Variants in ZCCHC2 observed in about 807,000 individuals in gnomAD.
The protein encoded by ZCCHC2 is zinc finger CCHC domain-containing protein 2.
A neutral mutation model predicts 103.6 loss-of-function variants in ZCCHC2; 39 were observed. The ratio of observed to expected loss-of-function variants is 0.38; its 90% CI spans 0.29 to 0.49. ZCCHC2 has a LOEUF of 0.49. ZCCHC2 is among the 20% of genes least tolerant of loss of function. ZCCHC2 has a pLI of 0.96. For synonymous variants in ZCCHC2, 687 were observed against 608.9 expected (o/e 1.13, Z -1.89); for missense variants, 1,483 against 1,491.0 (o/e 0.99, Z 0.09).
chr18:62,553,574 T>C (rs1022078860), intron 5 of ZCCHC2, among the ~76,000 whole-genome samples: 1 of 152,178 alleles, frequency 6.6e-6, no homozygotes, highest in East Asian at 1.9e-4. Context: ...GATACATTTA[T>C]CTGTAAGATC....
In ZCCHC2 at chr18:62,574,878, T is replaced by G; in HGVS notation, c.2797T>G (p.Ser933Ala). 1 of 1,613,828 alleles carries G rather than the reference T, an allele frequency of 6.2e-7. No homozygotes were observed. Among genetic ancestry groups the G allele is most frequent in the African/African-American group, 1.3e-5 (1 of 75,016 alleles). The change falls in exon 13 of 14, where the codon TCC becomes GCC. Residue 933 changes from serine to alanine, a missense_variant. Physicochemically the swap from Ser to Ala is moderately conservative, Grantham distance 99. Coordinates refer to ENST00000269499, the MANE Select transcript of ZCCHC2 (RefSeq NM_017742.6). ...LAAGVLPSQN[S>A]SVLSTAATSP... ...TGCCGGCGTGTTACCCAGCCAGAAC[T>G]CCAGTGTGCTCAGCACAGCAGCAAC...
chr18:62,560,715 T>G, intron 8 of ZCCHC2, 71 bp downstream of exon 8: 1 of 1,089,884 alleles, frequency 9.2e-7, no homozygotes, highest in Non-Finnish European at 1.3e-6. Flanking sequence ...TTAATTAAAT[T>G]TCTGATGTAT....
intron 1 of ZCCHC2, chr18:62,524,624 G>T: frequency 2.1e-6 from 1 of 466,506 alleles, no homozygotes. Context: ...CCGTGCCACG[G>T]TGTTGCCACG....
downstream of ZCCHC2, among the ~76,000 whole-genome samples, chr18:62,582,525 A>G (rs1032143180): frequency 3.9e-5 from 6 of 152,268 alleles, no homozygotes; most frequent in East Asian, 3.9e-4. Context: ...CAAAAACACA[A>G]AAACTTAGCC....
chr18:62,556,154 G>T, intron 5 of ZCCHC2, 49 bp from the exon 6 acceptor site: 1 of 1,450,538 alleles, frequency 6.9e-7, no homozygotes, highest in South Asian at 1.2e-5. Context: ...AGCTTCTTGT[G>T]GATTAACATT....
chr18:62,564,907 T>G (rs977483703), intron 10 of ZCCHC2, 95 bp from the exon 11 acceptor site: 1 of 884,372 alleles, frequency 1.1e-6, no homozygotes, highest in Admixed American at 2.8e-5. Context: ...CTAAAAAAAT[T>G]TGAAGAGTCT....
rs182915481 is a variant in ZCCHC2, at chr18:62,532,124, C to T, written c.940-7557C>T. The stretch of plus-strand genomic sequence containing the variant: ...GAGCCAGTGAAGGGGTGTGTGTGTG[C>T]GCGCGCGCGCACGTGCGCCCTTATG... On this transcript the variant is annotated intron_variant, in intron 1 of 13. Transcript: ENST00000269499. Among the ~76,000 whole-genome samples the T allele has an allele frequency of 4.1e-4, 62 of 152,044 alleles. No individual in the cohort carries two copies. The East Asian group carries it at 4.2e-3, about 10-fold the overall frequency.
exon 15 of ZCCHC2, chr18:62,585,375 G>GT (rs1362321587): frequency 6.6e-6 from 1 of 152,164 alleles, no homozygotes; most frequent in Non-Finnish European, 1.5e-5. Context: ...ATTGTCCCAG[G>GT]TACCCCTGCT....
chr18:62,550,229 C>A, intron 4 of ZCCHC2, 119 bp from the exon 5 acceptor site: 1 of 741,932 alleles, frequency 1.3e-6, no homozygotes, highest in East Asian at 2.7e-5. Flanking sequence ...GGAAAACAAA[C>A]TGCTTTTGGG....
intron 6 of ZCCHC2, among the ~76,000 whole-genome samples, chr18:62,558,080 A>G (rs1022701169): frequency 2.6e-5 from 4 of 151,512 alleles, no homozygotes; most frequent in African/African-American, 7.3e-5. Flanking sequence ...GCATCACTCC[A>G]TATCCTGAAA....
Position 62,524,131 on chromosome 18 carries a change from C to G in ZCCHC2, c.707C>G (p.Ser236Ter). The G allele has an allele frequency of 6.5e-7, 1 of 1,540,664 alleles. No homozygotes were observed. Among genetic ancestry groups the G allele is most frequent in the Non-Finnish European group, 8.7e-7 (1 of 1,145,126 alleles). ...GAGCAGGACGCCGAGAAGGACGGCT[C>G]AGGCCCGGAAGGCGGCATTGTGGAG... ...DGEQDAEKDG[S>*]GPEGGIVEPR... Residue 236 changes from serine to a stop codon, truncating the protein, a stop_gained, in exon 1 of 14, where the codon TCA becomes TGA. Coordinates refer to ENST00000269499, the MANE Select transcript of ZCCHC2 (RefSeq NM_017742.6). LOFTEE classifies it high-confidence loss of function.
intron 6 of ZCCHC2, among the ~76,000 whole-genome samples, chr18:62,557,558 A>G (rs1174131442): frequency 1.3e-5 from 2 of 152,248 alleles, no homozygotes; most frequent in Admixed American, 1.3e-4. Flanking sequence ...GTACAACTTC[A>G]TGATTAAATT....
At chr18:62,555,090 CTG>C (rs937889688) in intron 5 of ZCCHC2, among the ~76,000 whole-genome samples, 46 of 152,178 alleles carry the variant, frequency 3.0e-4, no homozygotes, top group African/African-American at 9.9e-4. Flanking sequence ...GACTGTTTAT[CTG>C]TGTGCACTAT....
At position 62,533,908 on chromosome 18, in the gene ZCCHC2, C is replaced by T. The variant is rs141528322; in HGVS notation, c.940-5773C>T. Among the ~76,000 whole-genome samples the T allele has an allele frequency of 8.7e-5, 13 of 148,652 alleles. No homozygotes were observed. The East Asian group carries it at 2.6e-3, about 30-fold the overall frequency. On this transcript the variant is annotated intron_variant, in intron 1 of 13. Coordinates refer to ENST00000269499, the MANE Select transcript of ZCCHC2 (RefSeq NM_017742.6). ...AAAAAAAAAGACTAAGTATATCAGG[C>T]AGTGATTTTGTCTTATTTTGAATTG...
Position 62,544,793 on chromosome 18 carries a change from T to A in ZCCHC2, c.1129-9T>A. On this transcript the variant is annotated splice_polypyrimidine_tract_variant and intron_variant, in intron 3 of 13. Coordinates refer to ENST00000269499, the MANE Select transcript of ZCCHC2 (RefSeq NM_017742.6). ...TAACCATATAATATGTGTGTTTTTTTTAAATCAGGTAAATTGGTCTGATCT... is the reference window on the plus strand; with the variant it reads ...TAACCATATAATATGTGTGTTTTTTATAAATCAGGTAAATTGGTCTGATCT... The A allele has an allele frequency of 6.5e-7, 1 of 1,540,564 alleles. No individual in the cohort carries two copies. Among genetic ancestry groups the A allele is most frequent in the Non-Finnish European group, 8.7e-7 (1 of 1,144,486 alleles).
intron 1 of ZCCHC2, among the ~76,000 whole-genome samples, chr18:62,526,687 C>A (rs1914414427): frequency 6.6e-6 from 1 of 152,104 alleles, no homozygotes; most frequent in African/African-American, 2.4e-5. Context: ...AAAGCTCGCG[C>A]GCCCCTCGCG....
intron 1 of ZCCHC2, 53 bp from the exon 2 acceptor site, chr18:62,539,628 T>A: frequency 1.4e-6 from 2 of 1,465,530 alleles, no homozygotes; most frequent in Non-Finnish European, 1.9e-6. Context: ...AATCTGTGAT[T>A]ATTACTCTTA....
In ZCCHC2 at chr18:62,574,729, C is replaced by T. The variant is rs1299444673; in HGVS notation, c.2648C>T (p.Pro883Leu). The stretch of plus-strand genomic sequence containing the variant: ...GTGGTAGGACTCAATCAAATGGTGC[C>T]TCAAATTGAGGGAAACACAGGGACA... ...SQVVGLNQMV[P>L]QIEGNTGTVP... Residue 883 changes from proline (P) to leucine (L), a missense_variant, in exon 13 of 14, where the codon CCT (proline) becomes CTT (leucine). Coordinates refer to ENST00000269499, the MANE Select transcript of ZCCHC2 (RefSeq NM_017742.6). 2.5e-6 allele frequency: 4 copies of T among 1,614,026 alleles called. No individual in the cohort carries two copies. In the East Asian group the frequency reaches 6.7e-5, roughly 27 times the overall value.
Position 62,523,374 on chromosome 18 carries a change from C to CGGGG in ZCCHC2, c.-49_-48insGGGG. 1.4e-5 allele frequency: 14 copies of CGGGG among 1,013,896 alleles called. No individual in the cohort carries two copies. The highest frequency in any genetic ancestry group is 1.0e-4 in the East Asian group (1 of 9,806). The allele number at this position is 1,013,896 out of a possible 1,614,324, so 62.8% of individuals were successfully genotyped here. On this transcript the variant is annotated 5_prime_UTR_variant, in exon 1 of 14. Transcript: ENST00000269499. ...CCGCCTCGGCCCGTGCTCCACCTCG[C>CGGGG]GGCCCCTCCCGCCCGCCCCCGCTCG...
Sources: allele counts gnomAD v4.1 joint callset (sites outside exome capture counted in the v4.1 genomes callset), GRCh38; gene constraint gnomAD v4.1.1; transcripts MANE v1.5; gene names NCBI Gene and HGNC (gene_info 2026-07-23, HGNC 2026-07-21).